Variants in TRMU observed in about 807,000 individuals in gnomAD.
TRMU encodes mitochondrial tRNA-specific 2-thiouridylase 1.
TRMU carries 49 observed loss-of-function variants against 46.9 expected under a neutral mutation model. The ratio of observed to expected loss-of-function variants is 1.05; its 90% confidence interval spans 0.83 to 1.33. The LOEUF (loss-of-function observed/expected upper bound fraction) is 1.33, where lower values mean the gene tolerates loss of function less well. Ranked by LOEUF, TRMU falls within the 40% of genes most tolerant of loss-of-function variation. TRMU has a pLI of 0.00. For missense variants in TRMU, 572 were observed against 532.4 expected, an observed-to-expected ratio of 1.07 and a Z score of -0.73; for synonymous variants, 241 against 200.9, an observed-to-expected ratio of 1.20 and a Z score of -1.69.
At chr22:46,355,931 GC>G (rs1178817083) in intron 9 of TRMU, 58 bp from the exon 10 acceptor site, 2 of 1,589,006 alleles carry the variant, frequency 1.3e-6, no homozygotes, top group Non-Finnish European at 1.7e-6. Context: ...CTCCCTGGGG[GC>G]CTGAGGTCGA....
In TRMU at chr22:46,341,513, C is replaced by T. The variant is rs142542761; in HGVS notation, c.249-1749C>T. On this transcript the variant is annotated intron_variant, in intron 2 of 10. Transcript: ENST00000645190. ...AAAGTGGAAGATATCCAAGGAACCT[C>T]TGACCCTGTGCAGATCTGTGATATG... 5.4e-3 allele frequency among the ~76,000 whole-genome samples: 823 copies of T among 152,124 alleles called. 11 individuals carry two copies. The highest frequency in any genetic ancestry group is 0.019 in the African/African-American group (788 of 41,512).
In TRMU at chr22:46,336,114, G is replaced by T; in HGVS notation, c.82+268G>T. ...CACGCGCGCCCACCCACAGTGAGAA[G>T]CCGGCGGGCCGGGGTGGGGTGGGGA... On this transcript the variant is annotated intron_variant, in intron 1 of 10. Transcript: ENST00000645190. This position sits in a 1 kb window ranked among gnomAD's most constrained non-coding sequence, Gnocchi z 4.1. 1 of 1,344,528 alleles carries T rather than the reference G, an allele frequency of 7.4e-7. No individual in the cohort carries two copies. The highest frequency in any genetic ancestry group is 9.5e-7 in the Non-Finnish European group (1 of 1,049,012). 83.3% of individuals were successfully genotyped at this position (1,344,528 alleles called of 1,614,324 possible).
rs1347374960 is a variant in TRMU, at chr22:46,337,812, G to A, written c.116G>A (p.Trp39Ter). 10 of 1,614,094 alleles carry A rather than the reference G, an allele frequency of 6.2e-6. No individual in the cohort carries two copies. The highest frequency in any genetic ancestry group is 8.5e-6 in the Non-Finnish European group (10 of 1,180,042). Residue 39 changes from tryptophan (W) to a stop codon, truncating the protein, a stop_gained, in exon 2 of 11, where the codon TGG (tryptophan) becomes TAG (stop). Coordinates refer to ENST00000645190, the MANE Select transcript of TRMU (RefSeq NM_018006.5). LOFTEE classifies it high-confidence loss of function. ...GTGACAGGGGTGTTTATGAAGAACTGGGACTCACTGGATGAACATGGGGTC... is the reference window on the plus strand; with the variant it reads ...GTGACAGGGGTGTTTATGAAGAACTAGGACTCACTGGATGAACATGGGGTC... ...YQVTGVFMKN[W>*]DSLDEHGVCT...
intron 7 of TRMU, chr22:46,353,512 C>T (rs2078499675): frequency 2.3e-6 from 1 of 425,948 alleles, no homozygotes; most frequent in South Asian, 2.0e-5. Context: ...CTGGAACCTG[C>T]ACCTTCTGGG....
rs775676239 is a variant in TRMU at position 46,346,414 on chromosome 22, C to T, written c.356-8C>T. 42 of 1,611,400 alleles carry T rather than the reference C, an allele frequency of 2.6e-5. No homozygotes were observed. The highest frequency in any genetic ancestry group is 3.3e-5 in the Non-Finnish European group (39 of 1,178,468). On this transcript the variant is annotated splice_polypyrimidine_tract_variant and splice_region_variant and intron_variant, in intron 3 of 10. Coordinates refer to ENST00000645190, the MANE Select transcript of TRMU (RefSeq NM_018006.5). ...AAACCTGATCCTTGTGTTCTAAAAA[C>T]CTCACAGGGGCAGATGCCATTGCCA...
intron 8 of TRMU, 53 bp from the exon 9 acceptor site, chr22:46,355,388 CCGG>C: frequency 3.1e-6 from 5 of 1,597,914 alleles, no homozygotes; most frequent in Non-Finnish European, 4.3e-6. Flanking sequence ...CACACTGAGG[CCGG>C]CCTTGGGGCC....
chr22:46,351,668 C>T lies in TRMU; in HGVS notation c.652-453C>T, dbSNP rs2078429684. The T allele has an allele frequency of 3.4e-6, 1 of 292,824 alleles. No individual in the cohort carries two copies. The highest frequency in any genetic ancestry group is 2.2e-5 in the African/African-American group (1 of 46,182). The allele number at this position is 292,824 out of a possible 1,614,324, so 18.1% of individuals were successfully genotyped here. A position where few individuals can be genotyped will look rare whatever the true frequency, so the allele number is the denominator to read the frequency against. Reference sequence around the variant, plus strand: ...TGGGGCCACGGTGGAGAGCGCACGCCACCCAGGCTCCCCAGCTAGGGCAGA... The same window carrying T: ...TGGGGCCACGGTGGAGAGCGCACGCTACCCAGGCTCCCCAGCTAGGGCAGA... On this transcript the variant is annotated intron_variant, in intron 5 of 10. Transcript: ENST00000645190. This position sits in a 1 kb window ranked among gnomAD's most constrained non-coding sequence, Gnocchi z 6.4.
Position 46,352,325 on chromosome 22 carries a change from A to G in TRMU, c.767A>G (p.His256Arg). 2 of 1,614,000 alleles carry G rather than the reference A, an allele frequency of 1.2e-6. No individual in the cohort carries two copies. Among genetic ancestry groups the G allele is most frequent in the South Asian group, 1.1e-5 (1 of 91,088 alleles). ...GAAGACAATAAGGTTCTGGGAACAC[A>G]TAAAGGTGAGGTGCAGACTCTGCCA... ...SIEDNKVLGT[H>R]KGWFLYTLGQ... is the part of the protein sequence containing the mutation. The change falls in exon 7 of 11, where the codon CAT becomes CGT. Residue 256 changes from histidine to arginine, a missense_variant. By Grantham distance (29) the His-to-Arg change is conservative. Transcript: ENST00000645190.
At chr22:46,341,856 C>T (rs1247792185) in intron 2 of TRMU, among the ~76,000 whole-genome samples, 1 of 152,168 alleles carries the variant, frequency 6.6e-6, no homozygotes, top group African/African-American at 2.4e-5. Flanking sequence ...TGTTTGTCAC[C>T]TGAGGATAGT....
Position 46,347,079 on chromosome 22 carries a change from CAGTG to C in TRMU, c.478+538_478+541del, listed in dbSNP as rs1198670469. Reference sequence around the variant, plus strand: ...TTTCTAGAAAAAAGTCAATGGCAGACAGTGAGCTGGGAAGCTGCTGGCCTGTCCT... The same window carrying C: ...TTTCTAGAAAAAAGTCAATGGCAGACAGCTGGGAAGCTGCTGGCCTGTCCT... On this transcript the variant is annotated intron_variant, in intron 4 of 10. Coordinates refer to ENST00000645190, the MANE Select transcript of TRMU (RefSeq NM_018006.5). This position sits in a 1 kb window ranked among gnomAD's most constrained non-coding sequence, Gnocchi z 5.0. Among the ~76,000 whole-genome samples, 2 of 152,226 alleles carry C rather than the reference CAGTG, an allele frequency of 1.3e-5. No individual in the cohort carries two copies. Among genetic ancestry groups the C allele is most frequent in the Non-Finnish European group, 2.9e-5 (2 of 68,046 alleles).
At chr22:46,340,569 TAGG>T (rs2078096302) in intron 2 of TRMU, among the ~76,000 whole-genome samples, 1 of 150,370 alleles carries the variant, frequency 6.7e-6, no homozygotes, top group Non-Finnish European at 1.5e-5. Flanking sequence ...AACCCAGAAT[TAGG>T]AGCGGAGCTG....
Position 46,352,124 on chromosome 22 carries a change from A to C in TRMU, c.655A>C (p.Met219Leu), listed in dbSNP as rs747904726. Reference sequence around the variant, plus strand: ...GGCTGCCGTCTTCTCATTTCAGAGCATGGGCATGTGTTTCATCGGGAAGAG... The same window carrying C: ...GGCTGCCGTCTTCTCATTTCAGAGCCTGGGCATGTGTTTCATCGGGAAGAG... ...LHHVLQKKES[M>L]GMCFIGKRNF... The change falls in exon 6 of 11, where the codon ATG (methionine) becomes CTG (leucine). Residue 219 changes from methionine to leucine, a missense_variant. Coordinates refer to ENST00000645190, the MANE Select transcript of TRMU (RefSeq NM_018006.5). 6.2e-7 allele frequency: 1 copy of C among 1,613,310 alleles called. No individual in the cohort carries two copies. Among genetic ancestry groups the C allele is most frequent in the Non-Finnish European group, 8.5e-7 (1 of 1,180,036 alleles).
Position 46,348,609 on chromosome 22 carries a change from G to A in TRMU, c.479-1682G>A, listed in dbSNP as rs1182340893. Among the ~76,000 whole-genome samples, 2 of 152,250 alleles carry A rather than the reference G, an allele frequency of 1.3e-5. No homozygotes were observed. Among genetic ancestry groups the A allele is most frequent in the Non-Finnish European group, 2.9e-5 (2 of 68,044 alleles). On this transcript the variant is annotated intron_variant, in intron 4 of 10. Coordinates refer to ENST00000645190, the MANE Select transcript of TRMU (RefSeq NM_018006.5). The surrounding 1 kb of genome is among the most constrained non-coding windows in gnomAD (Gnocchi z 4.8). The stretch of plus-strand genomic sequence containing the variant: ...CCTGGCAGAGCCAGCACGGCAGCCG[G>A]CGTGTCAGTGAGGCTCCAGCACAGG...
Position 46,347,851 on chromosome 22 carries a change from G to A in TRMU, c.478+1307G>A, listed in dbSNP as rs1176040701. On this transcript the variant is annotated intron_variant, in intron 4 of 10. Transcript: ENST00000645190. This position sits in a 1 kb window ranked among gnomAD's most constrained non-coding sequence, Gnocchi z 5.0. Reference sequence around the variant, plus strand: ...AGGCCCCAGCTGAGTTCTTTCCTCAGCGTTGCTGAGCCCATCCTGAAGGCT... The same window carrying A: ...AGGCCCCAGCTGAGTTCTTTCCTCAACGTTGCTGAGCCCATCCTGAAGGCT... Among the ~76,000 whole-genome samples, 2 of 152,206 alleles carry A rather than the reference G, an allele frequency of 1.3e-5. No individual in the cohort carries two copies. The highest frequency in any genetic ancestry group is 2.9e-5 in the Non-Finnish European group (2 of 68,034).
At chr22:46,356,112 T>A in intron 10 of TRMU, 40 bp downstream of exon 10, 1 of 1,609,660 alleles carries the variant, frequency 6.2e-7, no homozygotes. Context: ...AGGACTGTAC[T>A]GCTCTGCACC....
rs1393960967 is a variant in TRMU, at chr22:46,347,045, A to G, written c.478+501A>G. On this transcript the variant is annotated intron_variant, in intron 4 of 10. Coordinates refer to ENST00000645190, the MANE Select transcript of TRMU (RefSeq NM_018006.5). The surrounding 1 kb of genome is among the most constrained non-coding windows in gnomAD (Gnocchi z 5.0). ...TTAGTTTATGCGTGTTAGGGAGCCA[A>G]GTTTCACCTTTCTAGAAAAAAGTCA... is the stretch of plus-strand genomic sequence containing the variant. Among the ~76,000 whole-genome samples, 1 of 152,260 alleles carries G rather than the reference A, an allele frequency of 6.6e-6. No individual in the cohort carries two copies. Among genetic ancestry groups the G allele is most frequent in the African/African-American group, 2.4e-5 (1 of 41,472 alleles).
intron 3 of TRMU, among the ~76,000 whole-genome samples, chr22:46,344,033 CAAAAAATCAAAAA>C (rs1398338516): frequency 1.3e-5 from 2 of 152,074 alleles, no homozygotes; most frequent in African/African-American, 2.4e-5. Context: ...CCTACAAAAA[CAAAAAATCAAAAA>C]GAAAAATCTT....
At chr22:46,355,249 C>T (rs1006928976) in intron 8 of TRMU, 195 bp from the exon 9 acceptor site, 11 of 795,290 alleles carry the variant, frequency 1.4e-5, no homozygotes, top group African/African-American at 1.2e-4. Flanking sequence ...TTAGTCTCCT[C>T]ATCTGTAAAA....
At position 46,351,022 on chromosome 22, in the gene TRMU, G is replaced by A. The variant is rs146640253; in HGVS notation, c.651+559G>A. Among the ~76,000 whole-genome samples the A allele has an allele frequency of 2.3e-3, 345 of 152,340 alleles. No homozygotes were observed. The highest frequency in any genetic ancestry group is 7.8e-3 in the African/African-American group (323 of 41,570). ...CAGTGTAAACCTAGAAAATGTCTAC[G>A]GAGGGAGGTGTAGGACCCTGGGTGG... On this transcript the variant is annotated intron_variant, in intron 5 of 10. Coordinates refer to ENST00000645190, the MANE Select transcript of TRMU (RefSeq NM_018006.5). This position sits in a 1 kb window ranked among gnomAD's most constrained non-coding sequence, Gnocchi z 6.4.
Sources: allele counts gnomAD v4.1 joint callset (sites outside exome capture counted in the v4.1 genomes callset), GRCh38; gene constraint gnomAD v4.1.1; non-coding constraint Gnocchi (gnomAD v3.1); transcripts MANE v1.5; gene names NCBI Gene and HGNC (gene_info 2026-07-23, HGNC 2026-07-21).